ATAD2: variants seen among roughly 807,000 people sequenced by gnomAD.
ATAD2 encodes ATPase family AAA domain containing 2.
In ATAD2, 62 loss-of-function variants were observed where a neutral mutation model predicts 168.9. The observed-to-expected ratio is 0.37, with a 90% CI of 0.30 to 0.45. ATAD2 has a LOEUF of 0.45. ATAD2 is among the 20% of genes least tolerant of loss of function. ATAD2 has a pLI of 1.00. For synonymous variants in ATAD2, 613 were observed against 571.6 expected, an observed-to-expected ratio of 1.07 and a Z score of -1.03; for missense variants, 1,419 against 1,667.8, an observed-to-expected ratio of 0.85 and a Z score of 2.60.
intron 25 of ATAD2, among the ~76,000 whole-genome samples, chr8:123,326,552 C>T (rs1827621022): frequency 6.6e-6 from 1 of 151,858 alleles, no homozygotes; most frequent in African/African-American, 2.4e-5. Flanking sequence ...GTGGTACATG[C>T]CTATAGTCCC....
intron 1 of ATAD2, among the ~76,000 whole-genome samples, chr8:123,388,231 C>T (rs1364871835): frequency 1.3e-5 from 2 of 152,098 alleles, no homozygotes; most frequent in Admixed American, 1.3e-4. Flanking sequence ...GATCTTGCTC[C>T]TTCACCCAGG....
At chr8:123,356,550 T>C in intron 12 of ATAD2, 73 bp from the exon 13 acceptor site, 2 of 952,570 alleles carry the variant, frequency 2.1e-6, no homozygotes, top group Non-Finnish European at 3.1e-6. Context: ...TAAACCATTT[T>C]AATAAATTCT....
At chr8:123,413,140 C>T (rs1813185780) in intron 1 of ATAD2, among the ~76,000 whole-genome samples, 1 of 151,874 alleles carries the variant, frequency 6.6e-6, no homozygotes, top group African/African-American at 2.4e-5. Flanking sequence ...ACTTAGATAA[C>T]TGCCAGCTAG....
At chr8:123,336,603 C>T (rs1172305686) in intron 21 of ATAD2, 71 bp from the exon 22 acceptor site, 3 of 1,189,354 alleles carry the variant, frequency 2.5e-6, no homozygotes, top group Non-Finnish European at 3.4e-6. Flanking sequence ...GTTTCGATGC[C>T]AGGCAATATA....
chr8:123,345,984 C>T (rs1345561179), intron 18 of ATAD2, 102 bp downstream of exon 18: 2 of 968,908 alleles, frequency 2.1e-6, no homozygotes, highest in African/African-American at 3.4e-5. Context: ...CCTAAAGTTA[C>T]AAATCAGAAA....
chr8:123,372,354 T>C (rs78066957), intron 3 of ATAD2, among the ~76,000 whole-genome samples: 2,059 of 152,212 alleles, frequency 0.014, 49 homozygotes, highest in African/African-American at 0.048. Context: ...TATGTTCCAA[T>C]GAAATTATTT....
upstream of ATAD2, among the ~76,000 whole-genome samples, chr8:123,397,149 G>A (rs952137002): frequency 2.7e-5 from 4 of 148,246 alleles, no homozygotes; most frequent in African/African-American, 5.0e-5. Flanking sequence ...GCTGAGGCAG[G>A]AGAATCGCTT....
intron 1 of ATAD2, among the ~76,000 whole-genome samples, chr8:123,390,381 C>T (rs1829794468): frequency 1.3e-5 from 2 of 152,156 alleles, no homozygotes; most frequent in Admixed American, 6.5e-5. Context: ...TCTAGCTCTT[C>T]ACTGTCTCCC....
At chr8:123,371,385 C>T (rs375105973) in intron 4 of ATAD2, 47 bp from the exon 5 acceptor site, 21 of 1,455,484 alleles carry the variant, frequency 1.4e-5, no homozygotes, top group African/African-American at 4.3e-5. Context: ...AAAAGAGTAG[C>T]AGAATTTTAA....
intron 1 of ATAD2, among the ~76,000 whole-genome samples, chr8:123,404,668 G>C (rs1461788341): frequency 2.3e-4 from 35 of 151,440 alleles, no homozygotes; most frequent in Admixed American, 2.3e-3. Context: ...CCGGGTTCAA[G>C]TGATTCTCCT....
chr8:123,379,757 A>G (rs1258924990), intron 2 of ATAD2, among the ~76,000 whole-genome samples: 1 of 150,772 alleles, frequency 6.6e-6, no homozygotes, highest in Non-Finnish European at 1.5e-5. Flanking sequence ...TTTAGTAGAG[A>G]TGGGGTTTCA....
rs1304913107 is a variant in ATAD2, at chr8:123,380,630, A to G, written c.219T>C (p.Ala73=). The G allele has an allele frequency of 6.2e-7, 1 of 1,614,118 alleles. No homozygotes were observed. Among genetic ancestry groups the G allele is most frequent in the Admixed American group, 1.7e-5 (1 of 60,018 alleles). The change falls in exon 2 of 28, where the codon GCT becomes GCC. Residue 73 remains alanine (A), a synonymous_variant. Coordinates refer to ENST00000287394, the MANE Select transcript of ATAD2 (RefSeq NM_014109.4). ...GTGCATCTTTTCTCAAAGATCTTAA[A>G]GCACGTGTCCGGTGGTAGGTTTCAA... ...KEVETYHRTR[A]LRSLRKDAQN... is the part of the protein sequence containing the mutation.
At chr8:123,403,629 A>G (rs7832467) in intron 1 of ATAD2, among the ~76,000 whole-genome samples, 4 of 151,830 alleles carry the variant, frequency 2.6e-5, no homozygotes, top group African/African-American at 9.7e-5. Flanking sequence ...CCATTTGCAA[A>G]GAGCAGCTGT....
intron 1 of ATAD2, among the ~76,000 whole-genome samples, chr8:123,395,261 C>A (rs925517275): frequency 6.6e-5 from 10 of 152,210 alleles, no homozygotes; most frequent in African/African-American, 2.2e-4. Flanking sequence ...CTTCTTCAAC[C>A]TTCTGTGAAT....
chr8:123,335,654 A>G (rs1827894020), intron 22 of ATAD2, among the ~76,000 whole-genome samples: 1 of 152,214 alleles, frequency 6.6e-6, no homozygotes, highest in African/African-American at 2.4e-5. Context: ...CAGAACAAAC[A>G]TATCATTAAA....
At chr8:123,338,556 T>G (rs888840626) in intron 20 of ATAD2, among the ~76,000 whole-genome samples, 3 of 152,112 alleles carry the variant, frequency 2.0e-5, no homozygotes, top group Non-Finnish European at 2.9e-5. Context: ...AAAAAAGGAT[T>G]ATTAGAGTCC....
chr8:123,394,359 G>A (rs1009636210), intron 1 of ATAD2, among the ~76,000 whole-genome samples: 1 of 152,150 alleles, frequency 6.6e-6, no homozygotes, highest in Non-Finnish European at 1.5e-5. Flanking sequence ...GCCAAGCAGG[G>A]TGGCTCAATT....
At chr8:123,343,341 T>C (rs1013066999) in intron 19 of ATAD2, among the ~76,000 whole-genome samples, 1 of 152,062 alleles carries the variant, frequency 6.6e-6, no homozygotes, top group Non-Finnish European at 1.5e-5. Flanking sequence ...CATACTCTTT[T>C]GGTACCCCTT....
intron 13 of ATAD2, among the ~76,000 whole-genome samples, chr8:123,355,894 T>C (rs1828627050): frequency 6.6e-6 from 1 of 152,130 alleles, no homozygotes; most frequent in Admixed American, 6.6e-5. Context: ...TAAACCATGC[T>C]TTACAACACA....
Sources: allele counts gnomAD v4.1 joint callset (sites outside exome capture counted in the v4.1 genomes callset), GRCh38; gene constraint gnomAD v4.1.1; transcripts MANE v1.5; gene names NCBI Gene and HGNC (gene_info 2026-07-23, HGNC 2026-07-21).